GALNT1: variants seen among roughly 807,000 people sequenced by gnomAD.
GALNT1 encodes the protein polypeptide N-acetylgalactosaminyltransferase 1, also known as GalNAc transferase 1.
GALNT1 carries 17 observed loss-of-function variants against 65.7 expected under a neutral mutation model. That is an observed-to-expected ratio of 0.26 (90% CI 0.18 to 0.39). The LOEUF is 0.39. Ranked by LOEUF, GALNT1 falls within the 10% of genes least tolerant of loss-of-function variation. The probability of loss-of-function intolerance (pLI) is 1.00; values close to 1 mark genes in which losing one functional copy is unlikely to be tolerated. For synonymous variants in GALNT1, 210 were observed against 219.7 expected (o/e 0.96, Z 0.39); for missense variants, 460 against 672.8 (o/e 0.68, Z 3.50).
chr18:35,600,668 G>T lies in GALNT1; in HGVS notation c.-104+18806G>T, dbSNP rs144023630. 4.4e-4 allele frequency among the ~76,000 whole-genome samples: 67 copies of T among 152,128 alleles called. No homozygotes were observed. In the East Asian group the frequency reaches 0.012, roughly 28 times the overall value. ...GTTAGCTGTGGGTTTGTCACATATGGCCTTTATTTTTGCGGGGAGGGGTAT... is the reference window on the plus strand; with the variant it reads ...GTTAGCTGTGGGTTTGTCACATATGTCCTTTATTTTTGCGGGGAGGGGTAT... On this transcript the variant is annotated intron_variant, in intron 1 of 11. Transcript: ENST00000269195.
At chr18:35,653,060 T>C (rs1484502743) in intron 1 of GALNT1, among the ~76,000 whole-genome samples, 1 of 152,204 alleles carries the variant, frequency 6.6e-6, no homozygotes, top group Admixed American at 6.5e-5. Flanking sequence ...TGCACTCTAA[T>C]GCTTTAGGTT....
intron 1 of GALNT1, among the ~76,000 whole-genome samples, chr18:35,653,446 C>A (rs1265723740): frequency 6.6e-6 from 1 of 152,152 alleles, no homozygotes; most frequent in African/African-American, 2.4e-5. Flanking sequence ...ATAAAGTTGC[C>A]CTTGTAAGAA....
chr18:35,595,511 C>A (rs1301350604), intron 1 of GALNT1, among the ~76,000 whole-genome samples: 4 of 152,166 alleles, frequency 2.6e-5, no homozygotes, highest in Non-Finnish European at 5.9e-5. Context: ...TGTTTAGTAA[C>A]CAGACCATAA....
At chr18:35,615,521 A>G (rs1186566251) in intron 1 of GALNT1, among the ~76,000 whole-genome samples, 1 of 152,202 alleles carries the variant, frequency 6.6e-6, no homozygotes, top group African/African-American at 2.4e-5. Flanking sequence ...GGAAGCCAAA[A>G]GCACAATTGT....
chr18:35,641,649 C>A (rs146436262), intron 1 of GALNT1, among the ~76,000 whole-genome samples: 3 of 152,172 alleles, frequency 2.0e-5, no homozygotes, highest in Non-Finnish European at 4.4e-5. Context: ...ATACCAATTA[C>A]ATCAGATTGT....
chr18:35,692,332 A>G lies in GALNT1; in HGVS notation c.1299+12A>G. 2 of 1,460,824 alleles carry G rather than the reference A, an allele frequency of 1.4e-6. No individual in the cohort carries two copies. The highest frequency in any genetic ancestry group is 1.9e-6 in the Non-Finnish European group (2 of 1,076,786). 90.5% of individuals were successfully genotyped at this position (1,460,824 alleles called of 1,614,324 possible). On this transcript the variant is annotated intron_variant, in intron 9 of 11. Transcript: ENST00000269195. ...TCTCATTGGGAGAGGTAAGAAATAT[A>G]TATATATATATTCTATGTGGTTATT...
At chr18:35,645,125 T>C (rs575634537) in intron 1 of GALNT1, among the ~76,000 whole-genome samples, 88 of 152,180 alleles carry the variant, frequency 5.8e-4, no homozygotes, top group African/African-American at 2.1e-3. Flanking sequence ...TTCTCATCTA[T>C]TCATTAGTTA....
chr18:35,698,197 G>A (rs2048092534), intron 9 of GALNT1, among the ~76,000 whole-genome samples: 1 of 152,210 alleles, frequency 6.6e-6, no homozygotes, highest in Non-Finnish European at 1.5e-5. Flanking sequence ...GCCACGCCTG[G>A]TGACTCACAC....
chr18:35,593,069 G>T (rs758416603), intron 1 of GALNT1, among the ~76,000 whole-genome samples: 1 of 152,152 alleles, frequency 6.6e-6, no homozygotes, highest in Non-Finnish European at 1.5e-5. Context: ...CTGTGGGCAG[G>T]GTTCCACGGG....
chr18:35,618,961 T>G (rs2046818197), intron 1 of GALNT1, among the ~76,000 whole-genome samples: 1 of 152,114 alleles, frequency 6.6e-6, no homozygotes, highest in Admixed American at 6.6e-5. Flanking sequence ...AAACAATCAC[T>G]AACGCTATAA....
At chr18:35,653,199 C>T (rs1432847207) in intron 1 of GALNT1, among the ~76,000 whole-genome samples, 1 of 152,102 alleles carries the variant, frequency 6.6e-6, no homozygotes, top group African/African-American at 2.4e-5. Context: ...ATCTTGCAGT[C>T]AGGGAGTATT....
At chr18:35,658,068 G>T (rs371644271) in intron 2 of GALNT1, among the ~76,000 whole-genome samples, 14 of 152,166 alleles carry the variant, frequency 9.2e-5, no homozygotes, top group African/African-American at 3.1e-4. Context: ...AGTGGCATAA[G>T]TTTCAAAGAA....
chr18:35,666,908 A>G (rs973753489), intron 3 of GALNT1, among the ~76,000 whole-genome samples: 2 of 152,026 alleles, frequency 1.3e-5, no homozygotes, highest in East Asian at 1.9e-4. Flanking sequence ...TAGCCTTTTT[A>G]TATCTTCACT....
intron 2 of GALNT1, among the ~76,000 whole-genome samples, chr18:35,658,199 T>A (rs988315802): frequency 6.6e-6 from 1 of 151,940 alleles, no homozygotes; most frequent in Non-Finnish European, 1.5e-5. Context: ...CCAGAAACAG[T>A]TGTGAGGTTA....
At chr18:35,680,161 A>T (rs1212903705) in intron 4 of GALNT1, among the ~76,000 whole-genome samples, 1 of 152,022 alleles carries the variant, frequency 6.6e-6, no homozygotes, top group Non-Finnish European at 1.5e-5. Flanking sequence ...AAAGAATATC[A>T]TCCTTCTTCC....
chr18:35,694,116 T>TATC (rs1226388448), intron 9 of GALNT1, among the ~76,000 whole-genome samples: 1 of 152,198 alleles, frequency 6.6e-6, no homozygotes, highest in Non-Finnish European at 1.5e-5. Context: ...AGGGACATGT[T>TATC]ATCAGTAGCC....
chr18:35,606,249 T>C (rs576266061), intron 1 of GALNT1, among the ~76,000 whole-genome samples: 1 of 152,178 alleles, frequency 6.6e-6, no homozygotes, highest in Non-Finnish European at 1.5e-5. Context: ...TGCTCACACT[T>C]GGCCAAAACA....
intron 1 of GALNT1, among the ~76,000 whole-genome samples, chr18:35,630,038 G>C (rs1431905144): frequency 3.3e-5 from 5 of 152,140 alleles, no homozygotes; most frequent in Non-Finnish European, 5.9e-5. Context: ...TACAGGAGCA[G>C]CCAGATTCAT....
intron 7 of GALNT1, among the ~76,000 whole-genome samples, chr18:35,690,683 T>C (rs2047946755): frequency 6.6e-6 from 1 of 152,190 alleles, no homozygotes; most frequent in Admixed American, 6.5e-5. Context: ...ATGTTTCTCT[T>C]GAGGAAGCAC....
Sources: gnomAD v4.1 joint callset for allele counts (sites outside exome capture counted in the v4.1 genomes callset) on GRCh38, gnomAD v4.1.1 for gene constraint, MANE v1.5 for transcripts, NCBI Gene and HGNC (gene_info 2026-07-23, HGNC 2026-07-21) for gene names.